Variants in LRMDA observed in about 807,000 individuals in gnomAD.
LRMDA encodes the protein leucine rich melanocyte differentiation associated, also known as leucine-rich melanocyte differentiation-associated protein.
In LRMDA, 18 loss-of-function variants were observed where a neutral mutation model predicts 29.8. The observed-to-expected ratio is 0.60, with a 90% confidence interval of 0.42 to 0.90. The LOEUF is 0.90. LRMDA is among the 40% of genes least tolerant of loss of function. The pLI, the probability that LRMDA is intolerant of heterozygous loss-of-function variation, is 0.00. For missense variants in LRMDA, 273 were observed against 273.9 expected (o/e 1.00, Z 0.02); for synonymous variants, 125 against 109.4 (o/e 1.14, Z -0.89).
chr10:75,678,680 C>T (rs866963956), intron 2 of LRMDA, among the ~76,000 whole-genome samples: 1 of 152,172 alleles, frequency 6.6e-6, no homozygotes, highest in South Asian at 2.1e-4. Flanking sequence ...AAAATGTTGA[C>T]AGCTGCATAA....
At chr10:76,160,237 C>T (rs1850620537) in intron 5 of LRMDA, among the ~76,000 whole-genome samples, 1 of 149,288 alleles carries the variant, frequency 6.7e-6, no homozygotes, top group Admixed American at 6.7e-5. Context: ...AAATCTGAAG[C>T]AAATATTAGA....
At chr10:76,390,335 G>T (rs958128470) in intron 6 of LRMDA, among the ~76,000 whole-genome samples, 25 of 152,048 alleles carry the variant, frequency 1.6e-4, no homozygotes, top group African/African-American at 6.0e-4. Context: ...CCTCTGGGGA[G>T]AAGTAAAAGG....
chr10:76,315,870 C>T (rs1391297645), intron 5 of LRMDA, among the ~76,000 whole-genome samples: 1 of 152,098 alleles, frequency 6.6e-6, no homozygotes, highest in Non-Finnish European at 1.5e-5. Flanking sequence ...CCAATCAGCA[C>T]TCACTTCCTC....
rs570578914 is a variant in LRMDA at position 75,457,450 on chromosome 10, G to A, written c.131+18956G>A. Among the ~76,000 whole-genome samples, 21 of 152,280 alleles carry A rather than the reference G, an allele frequency of 1.4e-4. 1 individual carries two copies. The highest frequency in any genetic ancestry group is 4.3e-4 in the African/African-American group (18 of 41,556). ...AGGGAGGACAGCCAAGTAAGGACTCGAGGTATGGGTTCTCCCATCAAACCT... is the reference window on the plus strand; with the variant it reads ...AGGGAGGACAGCCAAGTAAGGACTCAAGGTATGGGTTCTCCCATCAAACCT... On this transcript the variant is annotated intron_variant, in intron 2 of 6. Coordinates refer to ENST00000611255, the MANE Select transcript of LRMDA (RefSeq NM_001305581.2).
intron 2 of LRMDA, among the ~76,000 whole-genome samples, chr10:75,594,725 A>G (rs2132086753): frequency 6.6e-6 from 1 of 152,326 alleles, no homozygotes; most frequent in South Asian, 2.1e-4. Flanking sequence ...CGTTTGTTAA[A>G]TCTCAGTGAC....
At chr10:75,493,330 C>T (rs1053319506) in intron 2 of LRMDA, among the ~76,000 whole-genome samples, 5 of 137,658 alleles carry the variant, frequency 3.6e-5, no homozygotes, top group African/African-American at 1.4e-4. Flanking sequence ...AAGAGAGAGC[C>T]ATAGAGGGTT....
chr10:76,225,696 TTTTATTTA>T (rs141422770), intron 5 of LRMDA, among the ~76,000 whole-genome samples: 6 of 144,990 alleles, frequency 4.1e-5, no homozygotes, highest in Non-Finnish European at 7.5e-5. Flanking sequence ...GGGTAATTTA[TTTTATTTA>T]TTTATTTATT....
At chr10:76,396,783 T>G (rs897917039) in intron 6 of LRMDA, among the ~76,000 whole-genome samples, 1 of 152,212 alleles carries the variant, frequency 6.6e-6, no homozygotes, top group South Asian at 2.1e-4. Flanking sequence ...CAATGAATTA[T>G]TGTGTCTTTT....
At chr10:76,241,462 T>C (rs1377141410) in intron 5 of LRMDA, among the ~76,000 whole-genome samples, 2 of 152,214 alleles carry the variant, frequency 1.3e-5, no homozygotes, top group African/African-American at 4.8e-5. Flanking sequence ...TCCCTTTGTA[T>C]TTATTACCTG....
chr10:76,504,793 T>C (rs1168647232), intron 6 of LRMDA, among the ~76,000 whole-genome samples: 1 of 152,060 alleles, frequency 6.6e-6, no homozygotes, highest in Non-Finnish European at 1.5e-5. Context: ...GTTTAGACTG[T>C]TTACATTCAG....
At position 76,233,660 on chromosome 10, in the gene LRMDA, T is replaced by A. The variant is rs113187880; in HGVS notation, c.517-90741T>A. ...AATATTCTAAATCCTTTGTGGTCATTTCAAGAATGTTCACAGCATCTTCAC... is the reference window on the plus strand; with the variant it reads ...AATATTCTAAATCCTTTGTGGTCATATCAAGAATGTTCACAGCATCTTCAC... On this transcript the variant is annotated intron_variant, in intron 5 of 6. Transcript: ENST00000611255. Among the ~76,000 whole-genome samples the A allele has an allele frequency of 3.3e-3, 498 of 152,298 alleles. 2 individuals carry two copies. The highest frequency in any genetic ancestry group is 0.011 in the African/African-American group (476 of 41,570).
intron 5 of LRMDA, among the ~76,000 whole-genome samples, chr10:76,307,378 G>A (rs1321793044): frequency 3.3e-5 from 5 of 152,198 alleles, no homozygotes; most frequent in African/African-American, 1.2e-4. Flanking sequence ...ATGATGAGAT[G>A]TTTTGAATGT....
chr10:76,425,979 G>A (rs1236835830), intron 6 of LRMDA, among the ~76,000 whole-genome samples: 6 of 152,050 alleles, frequency 3.9e-5, no homozygotes, highest in African/African-American at 1.2e-4. Context: ...TATGTGCCAC[G>A]TTTTCTTAAT....
At chr10:75,746,574 A>T (rs1267337223) in intron 2 of LRMDA, among the ~76,000 whole-genome samples, 1 of 152,156 alleles carries the variant, frequency 6.6e-6, no homozygotes, top group African/African-American at 2.4e-5. Flanking sequence ...AGAGGGTTTG[A>T]TGATTCTAGA....
intron 2 of LRMDA, among the ~76,000 whole-genome samples, chr10:75,969,139 G>A (rs59458020): frequency 0.017 from 2,523 of 152,198 alleles, 80 homozygotes; most frequent in African/African-American, 0.057. Flanking sequence ...GGGTGAATCT[G>A]GTGCTTCCCT....
intron 2 of LRMDA, chr10:75,552,532 C>T: frequency 2.1e-6 from 1 of 483,112 alleles, no homozygotes. Context: ...TACTGAAAAT[C>T]AAAGATACAA....
chr10:76,295,993 C>G (rs1840407340), intron 5 of LRMDA, among the ~76,000 whole-genome samples: 1 of 152,148 alleles, frequency 6.6e-6, no homozygotes, highest in African/African-American at 2.4e-5. Flanking sequence ...CTCCCAATCT[C>G]CATAGTACGT....
chr10:75,934,202 A>G (rs1230538331), intron 2 of LRMDA, among the ~76,000 whole-genome samples: 1 of 152,226 alleles, frequency 6.6e-6, no homozygotes, highest in Non-Finnish European at 1.5e-5. Flanking sequence ...TTTATGGCAT[A>G]AACATGTTAA....
chr10:76,405,869 AC>A (rs1841897201), intron 6 of LRMDA, among the ~76,000 whole-genome samples: 1 of 152,024 alleles, frequency 6.6e-6, no homozygotes, highest in Non-Finnish European at 1.5e-5. Context: ...TCTGTGTCAT[AC>A]TTTTCCCTGA....
Sources: gnomAD v4.1 joint callset for allele counts (sites outside exome capture counted in the v4.1 genomes callset) on GRCh38, gnomAD v4.1.1 for gene constraint, MANE v1.5 for transcripts, NCBI Gene and HGNC (gene_info 2026-07-23, HGNC 2026-07-21) for gene names.